Variants in ATF7 observed in about 807,000 individuals in gnomAD.
The protein encoded by ATF7 is cyclic AMP-dependent transcription factor ATF-7.
ATF7 carries 10 observed loss-of-function variants against 50.4 expected under a neutral mutation model. That is an observed-to-expected ratio of 0.20 (90% CI 0.12 to 0.34). ATF7 has a LOEUF of 0.34. Among genes scored for constraint, ATF7 ranks in the 10% least tolerant of loss-of-function variants. ATF7 has a pLI of 1.00. For missense variants in ATF7, 465 were observed against 613.9 expected, an observed-to-expected ratio of 0.76 and a Z score of 2.56; for synonymous variants, 201 against 226.4, an observed-to-expected ratio of 0.89 and a Z score of 1.01.
At chr12:53,619,507 A>G (rs1439935014) in intron 1 of ATF7, among the ~76,000 whole-genome samples, 7 of 151,218 alleles carry the variant, frequency 4.6e-5, no homozygotes, top group Admixed American at 4.0e-4. Flanking sequence ...AAAAAAAGAA[A>G]AAAAAAAGAA....
intron 2 of ATF7, among the ~76,000 whole-genome samples, chr12:53,583,549 C>T (rs1428248081): frequency 6.6e-6 from 1 of 151,930 alleles, no homozygotes; most frequent in Admixed American, 6.6e-5. Context: ...GAATCCCCCC[C>T]ACCCCCAGTC....
intron 2 of ATF7, among the ~76,000 whole-genome samples, chr12:53,555,169 A>G (rs930421106): frequency 2.0e-5 from 3 of 152,036 alleles, no homozygotes; most frequent in Non-Finnish European, 4.4e-5. Flanking sequence ...AAAATACAGA[A>G]TTAGCCGGGC....
intron 2 of ATF7, among the ~76,000 whole-genome samples, chr12:53,593,045 T>A (rs920099042): frequency 2.0e-5 from 3 of 152,148 alleles, no homozygotes; most frequent in African/African-American, 7.2e-5. Flanking sequence ...TCTATTAGGA[T>A]TAAAATCTCA....
rs1023431402 is a variant in ATF7, at chr12:53,514,318, A to G, written c.*2819T>C. 2.6e-5 allele frequency: 4 copies of G among 152,144 alleles called. No homozygotes were observed. The highest frequency in any genetic ancestry group is 9.7e-5 in the African/African-American group (4 of 41,408). 9.4% of individuals were successfully genotyped at this position (152,144 alleles called of 1,614,324 possible). A position where few individuals can be genotyped will look rare whatever the true frequency, so the allele number is the denominator to read the frequency against. ...TGAACGAATTCAGGACACCCACCAT[A>G]CACTCAGCTCCTTTCTGAAAGTGTC... On this transcript the variant is annotated 3_prime_UTR_variant, in exon 12 of 12. Coordinates refer to ENST00000420353, the MANE Select transcript of ATF7 (RefSeq NM_006856.3).
At chr12:53,536,754 G>A (rs1939249953) in intron 5 of ATF7, among the ~76,000 whole-genome samples, 1 of 152,018 alleles carries the variant, frequency 6.6e-6, no homozygotes, top group South Asian at 2.1e-4. Flanking sequence ...CGGGCGTGGT[G>A]GCACGCACCT....
chr12:53,618,553 A>G (rs1944238322), intron 1 of ATF7, among the ~76,000 whole-genome samples: 1 of 152,214 alleles, frequency 6.6e-6, no homozygotes. Context: ...ATTAACAAGC[A>G]GGAAAAGTTG....
At chr12:53,606,738 A>AGTGTGTGATGTTCCCC (rs1360948017) in intron 1 of ATF7, among the ~76,000 whole-genome samples, 19 of 104,168 alleles carry the variant, frequency 1.8e-4, no homozygotes, top group African/African-American at 7.5e-4. Context: ...AACAGTCCCC[A>AGTGTGTGATGTTCCCC]GTGTGTGATG....
At chr12:53,563,229 T>C (rs990887149) in intron 2 of ATF7, among the ~76,000 whole-genome samples, 3 of 152,228 alleles carry the variant, frequency 2.0e-5, no homozygotes, top group African/African-American at 7.2e-5. Flanking sequence ...TCTATCTTTC[T>C]TGAACTTGTA....
At chr12:53,555,081 A>G (rs959579561) in intron 2 of ATF7, among the ~76,000 whole-genome samples, 2 of 152,010 alleles carry the variant, frequency 1.3e-5, no homozygotes, top group African/African-American at 4.8e-5. Flanking sequence ...CAGCACTGGG[A>G]GGCTGAGGCA....
Position 53,531,833 on chromosome 12 carries a change from C to T in ATF7, c.838G>A (p.Gly280Ser), listed in dbSNP as rs1388430101. 6.2e-7 allele frequency: 1 copy of T among 1,613,300 alleles called. No individual in the cohort carries two copies. The highest frequency in any genetic ancestry group is 1.1e-5 in the South Asian group (1 of 90,938). Residue 280 changes from glycine to serine, a missense_variant, in exon 9 of 12, where the codon GGT becomes AGT. Physicochemically the swap from Gly to Ser is moderately conservative, Grantham distance 56. Coordinates refer to ENST00000420353, the MANE Select transcript of ATF7 (RefSeq NM_006856.3). Reference protein sequence around the residue: ...SINGGCGMVVGTASTMVTARP... With the variant: ...SINGGCGMVVSTASTMVTARP... ...GCTGTCACCATGGTGCTGGCAGTAC[C>T]CACCACCATTCCACAACCACCATTG...
intron 9 of ATF7, among the ~76,000 whole-genome samples, chr12:53,526,354 T>G (rs1337924274): frequency 1.3e-5 from 2 of 151,902 alleles, no homozygotes; most frequent in Non-Finnish European, 2.9e-5. Context: ...GCGAAGATGA[T>G]GAGGAGGATG....
intron 3 of ATF7, 107 bp from the exon 4 acceptor site, chr12:53,543,555 G>C (rs1939699321): frequency 1.6e-6 from 2 of 1,264,472 alleles, no homozygotes; most frequent in East Asian, 2.5e-5. Context: ...TTTGGAGAGA[G>C]AGTCTTTGTG....
chr12:53,582,913 G>A (rs1846959989), intron 2 of ATF7, among the ~76,000 whole-genome samples: 1 of 152,150 alleles, frequency 6.6e-6, no homozygotes, highest in South Asian at 2.1e-4. Flanking sequence ...TGAATAAACA[G>A]AGGGTCCAGA....
Position 53,534,528 on chromosome 12 carries a change from C to A in ATF7, c.534G>T (p.Gln178His), listed in dbSNP as rs539048082. The change falls in exon 6 of 12, where the codon CAG (glutamine) becomes CAT (histidine). Residue 178 changes from glutamine (Q) to histidine (H), a missense_variant. Coordinates refer to ENST00000420353, the MANE Select transcript of ATF7 (RefSeq NM_006856.3). The stretch of plus-strand genomic sequence containing the variant: ...CCATTTGCCTGTTGGATGGTGGAGC[C>A]TGTGTGATGACAGAGGTTGGGGAGG... ...TLPSPTSVIT[Q>H]APPSNRQMGS... The A allele has an allele frequency of 9.9e-6, 16 of 1,613,732 alleles. No individual in the cohort carries two copies. The highest frequency in any genetic ancestry group is 1.3e-5 in the African/African-American group (1 of 74,888).
intron 2 of ATF7, chr12:53,574,953 C>CA (rs200535578): frequency 0.18 from 30,618 of 168,690 alleles, 2,783 homozygotes; most frequent in East Asian, 0.53. Context: ...GAGCTTAAGC[C>CA]AAAAAAAAAA....
intron 2 of ATF7, among the ~76,000 whole-genome samples, chr12:53,561,701 A>C (rs1485394): frequency 0.13 from 19,768 of 152,240 alleles, 1,372 homozygotes; most frequent in African/African-American, 0.15. Flanking sequence ...CAAGATGTTT[A>C]GCCAATGATG....
intron 2 of ATF7, among the ~76,000 whole-genome samples, chr12:53,566,998 C>T (rs191483858): frequency 3.9e-4 from 60 of 152,244 alleles, no homozygotes; most frequent in African/African-American, 1.3e-3. Flanking sequence ...GTGATCCGCC[C>T]GCCTCTGCCT....
intron 2 of ATF7, among the ~76,000 whole-genome samples, chr12:53,577,434 C>A (rs1215892204): frequency 6.6e-6 from 1 of 150,938 alleles, no homozygotes; most frequent in Non-Finnish European, 1.5e-5. Flanking sequence ...GAAACACACA[C>A]GGCCGGGCGC....
chr12:53,563,306 A>G lies in ATF7; in HGVS notation c.49-10669T>C, dbSNP rs142922204. 2.0e-3 allele frequency among the ~76,000 whole-genome samples: 304 copies of G among 152,172 alleles called. 1 individual carries two copies. Among genetic ancestry groups the G allele is most frequent in the African/African-American group, 7.2e-3 (298 of 41,508 alleles). ...GAATTTTAGTCTATATGGTCTCACA[A>G]TTTTTATCTTTTTAAAGTAGACTGT... On this transcript the variant is annotated intron_variant, in intron 2 of 11. Transcript: ENST00000420353.
Sources: gnomAD v4.1 joint callset for allele counts (sites outside exome capture counted in the v4.1 genomes callset) on GRCh38, gnomAD v4.1.1 for gene constraint, MANE v1.5 for transcripts, NCBI Gene and HGNC (gene_info 2026-07-23, HGNC 2026-07-21) for gene names.